The following TSPAN9 variants were observed in gnomAD, a reference collection of about 807,000 sequenced individuals.
The protein encoded by TSPAN9 is tetraspanin-9.
A neutral mutation model predicts 31.0 loss-of-function variants in TSPAN9; 16 were observed. That is an observed-to-expected ratio of 0.52 (90% confidence interval 0.35 to 0.78). TSPAN9 has a LOEUF of 0.78. Among genes scored for constraint, TSPAN9 ranks in the 30% least tolerant of loss-of-function variants. The pLI, the probability that TSPAN9 is intolerant of heterozygous loss-of-function variation, is 0.01. For synonymous variants in TSPAN9, 145 were observed against 121.6 expected (o/e 1.19, Z -1.27); for missense variants, 272 against 312.5 (o/e 0.87, Z 0.98).
At chr12:3,142,307 T>C (rs1354296062) in intron 2 of TSPAN9, among the ~76,000 whole-genome samples, 1 of 152,136 alleles carries the variant, frequency 6.6e-6, no homozygotes, top group Non-Finnish European at 1.5e-5. Context: ...CAACTGAGTT[T>C]CCCCTTTTTC....
At chr12:3,089,927 A>G (rs372869096) in intron 2 of TSPAN9, among the ~76,000 whole-genome samples, 1 of 151,456 alleles carries the variant, frequency 6.6e-6, no homozygotes, top group East Asian at 2.1e-4. Context: ...ATAAATAAAT[A>G]AAATAAAAGC....
intron 3 of TSPAN9, among the ~76,000 whole-genome samples, chr12:3,246,190 G>T (rs956578604): frequency 6.6e-6 from 1 of 151,624 alleles, no homozygotes; most frequent in African/African-American, 2.4e-5. Flanking sequence ...ATTGCGGGGC[G>T]GGGGGTGGTG....
intron 2 of TSPAN9, among the ~76,000 whole-genome samples, chr12:3,135,078 G>C (rs2098331492): frequency 6.6e-6 from 1 of 152,040 alleles, no homozygotes; most frequent in East Asian, 1.9e-4. Context: ...TTTAGAGTTG[G>C]GGCAACACTA....
intron 2 of TSPAN9, among the ~76,000 whole-genome samples, chr12:3,179,841 ACGGACT>A (rs1268880159): frequency 1.3e-5 from 2 of 152,300 alleles, no homozygotes; most frequent in Admixed American, 1.3e-4. Flanking sequence ...GGTGAGATTG[ACGGACT>A]CAGAACACAT....
chr12:3,131,938 C>T (rs11062520), intron 2 of TSPAN9, among the ~76,000 whole-genome samples: 19,030 of 152,142 alleles, frequency 0.13, 1,302 homozygotes, highest in South Asian at 0.18. Context: ...ACCCCCCAGG[C>T]CTCTCACCAC....
chr12:3,115,024 T>C (rs1464873900), intron 2 of TSPAN9, among the ~76,000 whole-genome samples: 1 of 152,052 alleles, frequency 6.6e-6, no homozygotes. Flanking sequence ...TTAGAACCTT[T>C]TTATCACCCC....
At chr12:3,173,747 C>T (rs2098353447) in intron 2 of TSPAN9, 1 of 152,220 alleles carries the variant, frequency 6.6e-6, no homozygotes, top group African/African-American at 2.4e-5. Context: ...GTTCCTCGGC[C>T]TCCCAAGTTG....
At chr12:3,135,884 G>T (rs1057052833) in intron 2 of TSPAN9, among the ~76,000 whole-genome samples, 1 of 152,240 alleles carries the variant, frequency 6.6e-6, no homozygotes, top group African/African-American at 2.4e-5. Context: ...AGCTCAGGTA[G>T]TCCCAGGGTT....
intron 2 of TSPAN9, among the ~76,000 whole-genome samples, chr12:3,179,191 G>T (rs1228831031): frequency 1.3e-5 from 2 of 152,112 alleles, no homozygotes; most frequent in Non-Finnish European, 1.5e-5. Flanking sequence ...CCTCATCCTG[G>T]AACCATGGAT....
chr12:3,109,299 T>TGTGTGAGAGAGA (rs1274383200), intron 2 of TSPAN9, among the ~76,000 whole-genome samples: 16 of 118,348 alleles, frequency 1.4e-4, no homozygotes, highest in African/African-American at 7.3e-4. Flanking sequence ...TGTGTGTGTG[T>TGTGTGAGAGAGA]GAGAGAGAGT....
At chr12:3,110,563 G>A (rs541412900) in intron 2 of TSPAN9, among the ~76,000 whole-genome samples, 3 of 152,238 alleles carry the variant, frequency 2.0e-5, no homozygotes, top group African/African-American at 7.2e-5. Flanking sequence ...AGCCTTGTGG[G>A]AAAGGAACAA....
At chr12:3,146,679 T>C (rs143532350) in intron 2 of TSPAN9, among the ~76,000 whole-genome samples, 196 of 152,318 alleles carry the variant, frequency 1.3e-3, no homozygotes, top group African/African-American at 3.4e-3. Context: ...CCTCCTTATC[T>C]TTCTCCACCT....
intron 2 of TSPAN9, among the ~76,000 whole-genome samples, chr12:3,179,953 G>T (rs2098357822): frequency 6.6e-6 from 1 of 152,174 alleles, no homozygotes; most frequent in Non-Finnish European, 1.5e-5. Flanking sequence ...ATTTCCTGCA[G>T]CTGGTAAAGC....
At chr12:3,169,810 C>T (rs2098350739) in intron 2 of TSPAN9, among the ~76,000 whole-genome samples, 1 of 152,048 alleles carries the variant, frequency 6.6e-6, no homozygotes, top group Non-Finnish European at 1.5e-5. Context: ...AAGATCGTAT[C>T]AGGTGTCAGG....
At position 3,172,816 on chromosome 12, in the gene TSPAN9, A is replaced by G. The variant is rs1400221877; in HGVS notation, c.-17-28361A>G. On this transcript the variant is annotated intron_variant, in intron 2 of 8. Transcript: ENST00000011898. The surrounding 1 kb of genome is among the most constrained non-coding windows in gnomAD (Gnocchi z 4.8). ...TAGGTGTTGATTGAGCCTGCAGGGA[A>G]TACCAAGCACGTAGGCATGGAAAGG... The G allele has an allele frequency of 6.6e-6, 1 of 152,252 alleles. No homozygotes were observed. The highest frequency in any genetic ancestry group is 1.9e-4 in the East Asian group (1 of 5,190). The allele number at this position is 152,252 out of a possible 1,614,324, so 9.4% of individuals were successfully genotyped here. A position where few individuals can be genotyped will look rare whatever the true frequency, so the allele number is the denominator to read the frequency against.
intron 3 of TSPAN9, among the ~76,000 whole-genome samples, chr12:3,257,920 G>A (rs73047072): frequency 0.042 from 6,387 of 152,252 alleles, 180 homozygotes; most frequent in Non-Finnish European, 0.063. Flanking sequence ...GGACAAGCAG[G>A]CCCTTCCCCC....
chr12:3,134,382 G>A (rs1011065371), intron 2 of TSPAN9, among the ~76,000 whole-genome samples: 1 of 152,198 alleles, frequency 6.6e-6, no homozygotes, highest in African/African-American at 2.4e-5. Context: ...AGGGACCCGA[G>A]ATGATCATTC....
At chr12:3,195,983 G>A (rs2098366856) in intron 2 of TSPAN9, among the ~76,000 whole-genome samples, 1 of 152,334 alleles carries the variant, frequency 6.6e-6, no homozygotes, top group South Asian at 2.1e-4. Context: ...TCTAGCTGCA[G>A]TCGTGAGTGG....
rs556594733 is a variant in TSPAN9, at chr12:3,268,850, G to A, written c.64-9571G>A. On this transcript the variant is annotated intron_variant, in intron 3 of 8. Coordinates refer to ENST00000011898, the MANE Select transcript of TSPAN9 (RefSeq NM_006675.5). Reference sequence around the variant, plus strand: ...CGTGCATTCCTGCAGCCTGCCCTCCGTGCATTCCTGCAGCCTGCCCTCTGT... The same window carrying A: ...CGTGCATTCCTGCAGCCTGCCCTCCATGCATTCCTGCAGCCTGCCCTCTGT... Among the ~76,000 whole-genome samples, 145 of 94,376 alleles carry A rather than the reference G, an allele frequency of 1.5e-3. 1 individual carries two copies. Among genetic ancestry groups the A allele is most frequent in the African/African-American group, 5.4e-3 (134 of 24,642 alleles). The allele number at this position is 94,376 out of a possible 152,430, so 61.9% of individuals were successfully genotyped here.
Sources: gnomAD v4.1 joint callset for allele counts (sites outside exome capture counted in the v4.1 genomes callset) on GRCh38, gnomAD v4.1.1 for gene constraint, Gnocchi (gnomAD v3.1) non-coding constraint, MANE v1.5 for transcripts, NCBI Gene and HGNC (gene_info 2026-07-23, HGNC 2026-07-21) for gene names.